Variants in MIPOL1 observed in about 807,000 individuals in gnomAD.
The protein encoded by MIPOL1 is mirror-image polydactyly 1, also known as mirror-image polydactyly gene 1 protein.
A neutral mutation model predicts 60.9 loss-of-function variants in MIPOL1; 57 were observed. The observed-to-expected ratio is 0.94, with a 90% CI of 0.76 to 1.17. MIPOL1 has a LOEUF of 1.17. MIPOL1 is among the 50% of genes most tolerant of loss of function. The probability of loss-of-function intolerance (pLI) is 0.00; values close to 1 mark genes in which losing one functional copy is unlikely to be tolerated. For synonymous variants in MIPOL1, 179 were observed against 168.8 expected (o/e 1.06, Z -0.47); for missense variants, 551 against 511.6 (o/e 1.08, Z -0.74).
intron 1 of MIPOL1, among the ~76,000 whole-genome samples, chr14:37,223,968 A>C (rs909102613): frequency 2.2e-4 from 33 of 152,260 alleles, no homozygotes; most frequent in African/African-American, 7.7e-4. Flanking sequence ...ACTTGGCAAC[A>C]GTTTTATTTT....
chr14:37,324,213 C>A (rs1212167417), intron 9 of MIPOL1, among the ~76,000 whole-genome samples: 6 of 151,998 alleles, frequency 3.9e-5, no homozygotes, highest in African/African-American at 1.4e-4. Context: ...GTTCTGCATA[C>A]TAATCAACAC....
At chr14:37,254,169 G>A (rs1974547187) in intron 3 of MIPOL1, among the ~76,000 whole-genome samples, 1 of 151,702 alleles carries the variant, frequency 6.6e-6, no homozygotes, top group African/African-American at 2.4e-5. Flanking sequence ...AAGAATGATT[G>A]AGGTTATAGT....
At chr14:37,536,965 G>A (rs2095508982) in intron 12 of MIPOL1, among the ~76,000 whole-genome samples, 1 of 152,114 alleles carries the variant, frequency 6.6e-6, no homozygotes, top group Admixed American at 6.5e-5. Context: ...TCAAAAACTA[G>A]ACTGATAATG....
intron 11 of MIPOL1, among the ~76,000 whole-genome samples, chr14:37,483,626 C>T (rs903290542): frequency 2.0e-5 from 3 of 151,912 alleles, no homozygotes; most frequent in Non-Finnish European, 4.4e-5. Flanking sequence ...TGGATATTTA[C>T]CCAAAAGATT....
At chr14:37,535,328 C>G (rs1474431124) in intron 12 of MIPOL1, among the ~76,000 whole-genome samples, 1 of 152,088 alleles carries the variant, frequency 6.6e-6, no homozygotes, top group Non-Finnish European at 1.5e-5. Flanking sequence ...GTTGAATATA[C>G]ACATATCAAG....
At chr14:37,299,245 A>C (rs2086119133) in intron 7 of MIPOL1, among the ~76,000 whole-genome samples, 1 of 150,630 alleles carries the variant, frequency 6.6e-6, no homozygotes, top group African/African-American at 2.4e-5. Flanking sequence ...AGAATTGAAC[A>C]ATGAGAACAC....
intron 1 of MIPOL1, among the ~76,000 whole-genome samples, chr14:37,237,203 A>G (rs1466218293): frequency 6.6e-6 from 1 of 152,088 alleles, no homozygotes; most frequent in Non-Finnish European, 1.5e-5. Flanking sequence ...GTTCTGAGCT[A>G]GGTGAAACAG....
intron 11 of MIPOL1, among the ~76,000 whole-genome samples, chr14:37,447,314 C>T (rs895213750): frequency 2.0e-5 from 3 of 152,048 alleles, no homozygotes; most frequent in African/African-American, 7.2e-5. Flanking sequence ...TATTTCTACA[C>T]CTAATATACT....
At chr14:37,423,162 C>G (rs2093905620) in intron 11 of MIPOL1, among the ~76,000 whole-genome samples, 1 of 151,726 alleles carries the variant, frequency 6.6e-6, no homozygotes, top group Non-Finnish European at 1.5e-5. Flanking sequence ...TTTCCACTTT[C>G]ATTGTAACTG....
chr14:37,365,524 A>G (rs2092442044), intron 9 of MIPOL1, among the ~76,000 whole-genome samples: 1 of 152,084 alleles, frequency 6.6e-6, no homozygotes, highest in Non-Finnish European at 1.5e-5. Context: ...TGATTTGCGT[A>G]TGTTGAATCA....
intron 10 of MIPOL1, among the ~76,000 whole-genome samples, chr14:37,395,047 T>G (rs1403386799): frequency 1.2e-4 from 18 of 152,140 alleles, no homozygotes; most frequent in Admixed American, 1.2e-3. Flanking sequence ...TGTTTTTGTT[T>G]GCTTTGTTGA....
chr14:37,411,710 G>A (rs554112258), intron 10 of MIPOL1, among the ~76,000 whole-genome samples: 3 of 152,176 alleles, frequency 2.0e-5, no homozygotes, highest in Admixed American at 6.5e-5. Context: ...TAGAGACTGC[G>A]TGGCCCACAA....
At chr14:37,508,926 A>G (rs1021408947) in intron 12 of MIPOL1, among the ~76,000 whole-genome samples, 3 of 151,914 alleles carry the variant, frequency 2.0e-5, no homozygotes, top group African/African-American at 7.3e-5. Flanking sequence ...ACTGTTCATC[A>G]TTCCTTCCTG....
chr14:37,422,757 T>A, intron 10 of MIPOL1, 98 bp from the exon 11 acceptor site: 2 of 719,488 alleles, frequency 2.8e-6, no homozygotes, highest in South Asian at 2.0e-5. Flanking sequence ...TTTTTTTTTT[T>A]AACTGTCAGT....
chr14:37,308,513 G>A lies in MIPOL1; in HGVS notation c.822G>A (p.Leu274=), dbSNP rs2086985182. The change falls in exon 9 of 13, where the codon TTG becomes TTA. Residue 274 remains leucine, a synonymous_variant. Coordinates refer to ENST00000684589, the MANE Select transcript of MIPOL1 (RefSeq NM_001388067.1). ...SALIEERDAA[L]SKCKRLEQEL... ...TAATAGAAGAACGGGATGCTGCCTT[G>A]TCTAAGGTAACTCTGCATATATCTG... 1 of 1,573,704 alleles carries A rather than the reference G, an allele frequency of 6.4e-7. No homozygotes were observed. Among genetic ancestry groups the A allele is most frequent in the Non-Finnish European group, 8.6e-7 (1 of 1,164,438 alleles).
chr14:37,296,952 T>C (rs2085782873), intron 7 of MIPOL1, among the ~76,000 whole-genome samples: 1 of 152,196 alleles, frequency 6.6e-6, no homozygotes, highest in African/African-American at 2.4e-5. Context: ...CTAACTCGTT[T>C]TATGAGGCCA....
At chr14:37,429,659 G>A (rs564005970) in intron 11 of MIPOL1, among the ~76,000 whole-genome samples, 1 of 152,174 alleles carries the variant, frequency 6.6e-6, no homozygotes, top group South Asian at 2.1e-4. Context: ...CATAAAGATA[G>A]AGGCCAGATG....
At chr14:37,545,721 T>G in intron 12 of MIPOL1, 1 of 638,710 alleles carries the variant, frequency 1.6e-6, no homozygotes, top group Non-Finnish European at 2.8e-6. Context: ...CAGCATTATA[T>G]GCAGTTGATT....
intron 9 of MIPOL1, among the ~76,000 whole-genome samples, chr14:37,355,264 G>A (rs1181831541): frequency 9.6e-5 from 13 of 135,204 alleles, no homozygotes; most frequent in Non-Finnish European, 1.9e-4. Flanking sequence ...TAGGGTTTCT[G>A]CTGAGAGATC....
Sources: gnomAD v4.1 joint callset for allele counts (sites outside exome capture counted in the v4.1 genomes callset) on GRCh38, gnomAD v4.1.1 for gene constraint, MANE v1.5 for transcripts, NCBI Gene and HGNC (gene_info 2026-07-23, HGNC 2026-07-21) for gene names.